The following CNTN5 variants were observed in gnomAD, a reference collection of about 807,000 sequenced individuals.
CNTN5 encodes contactin-5.
A neutral mutation model predicts 129.1 loss-of-function variants in CNTN5; 77 were observed. The observed-to-expected ratio is 0.60, with a 90% CI of 0.50 to 0.72. The LOEUF (loss-of-function observed/expected upper bound fraction) is 0.72, where lower values mean the gene tolerates loss of function less well. CNTN5 is among the 30% of genes least tolerant of loss of function. The pLI, the probability that CNTN5 is intolerant of heterozygous loss-of-function variation, is 0.00. For missense variants in CNTN5, 1,478 were observed against 1,328.8 expected (o/e 1.11, Z -1.75); for synonymous variants, 509 against 465.6 (o/e 1.09, Z -1.20).
chr11:99,317,536 C>G (rs144114878), intron 1 of CNTN5, among the ~76,000 whole-genome samples: 1 of 151,910 alleles, frequency 6.6e-6, no homozygotes, highest in South Asian at 2.1e-4. Flanking sequence ...ATTTTGGGAA[C>G]CTTTCCAGTC....
intron 2 of CNTN5, among the ~76,000 whole-genome samples, chr11:99,477,738 C>G (rs1284180745): frequency 1.3e-5 from 2 of 150,402 alleles, no homozygotes; most frequent in Non-Finnish European, 3.0e-5. Flanking sequence ...TTGCCTGAGG[C>G]CAGGAATTCA....
chr11:99,052,564 A>C (rs1468336713), intron 1 of CNTN5, among the ~76,000 whole-genome samples: 1 of 151,936 alleles, frequency 6.6e-6, no homozygotes. Flanking sequence ...GAAATTGCTT[A>C]ATGCATTTCT....
At chr11:99,140,108 T>C (rs933612076) in intron 1 of CNTN5, among the ~76,000 whole-genome samples, 1 of 152,216 alleles carries the variant, frequency 6.6e-6, no homozygotes, top group Non-Finnish European at 1.5e-5. Context: ...ATTACATTAG[T>C]GATTTGCACA....
At chr11:99,479,708 C>G (rs1394391486) in intron 2 of CNTN5, among the ~76,000 whole-genome samples, 1 of 151,778 alleles carries the variant, frequency 6.6e-6, no homozygotes, top group East Asian at 1.9e-4. Flanking sequence ...CTCCGGTTCT[C>G]TAAATATGTG....
chr11:99,409,969 C>T (rs559446144), intron 2 of CNTN5, among the ~76,000 whole-genome samples: 12 of 152,284 alleles, frequency 7.9e-5, no homozygotes, highest in Admixed American at 2.0e-4. Flanking sequence ...CACTTACCAT[C>T]GCAAGTTGCT....
intron 1 of CNTN5, among the ~76,000 whole-genome samples, chr11:99,090,854 C>G (rs1794876069): frequency 6.6e-6 from 1 of 151,592 alleles, no homozygotes; most frequent in South Asian, 2.1e-4. Flanking sequence ...AACCCCGTCT[C>G]TACTAAAAAT....
intron 1 of CNTN5, among the ~76,000 whole-genome samples, chr11:99,138,395 T>C (rs957842314): frequency 2.0e-5 from 3 of 152,196 alleles, no homozygotes; most frequent in African/African-American, 4.8e-5. Context: ...TTGGCAGTTA[T>C]GTTAAGTGGG....
intron 9 of CNTN5, among the ~76,000 whole-genome samples, chr11:100,002,624 C>A (rs922009719): frequency 1.1e-4 from 17 of 152,030 alleles, no homozygotes; most frequent in Admixed American, 1.0e-3. Flanking sequence ...CACCAGCTGT[C>A]AATATGTACA....
At chr11:100,241,791 C>T (rs1297039529) in intron 16 of CNTN5, among the ~76,000 whole-genome samples, 1 of 152,192 alleles carries the variant, frequency 6.6e-6, no homozygotes, top group Non-Finnish European at 1.5e-5. Context: ...GACCAGCATG[C>T]AAAGGATCCT....
At chr11:99,552,827 C>CCT (rs145504218) in intron 2 of CNTN5, among the ~76,000 whole-genome samples, 1 of 150,968 alleles carries the variant, frequency 6.6e-6, no homozygotes, top group Non-Finnish European at 1.5e-5. Flanking sequence ...TGGTTCTCTC[C>CCT]CTCTCTCTCT....
chr11:99,886,060 A>T (rs184986623), intron 6 of CNTN5, among the ~76,000 whole-genome samples: 41 of 152,256 alleles, frequency 2.7e-4, no homozygotes, highest in Admixed American at 6.5e-4. Context: ...AATTAAGTTT[A>T]TATTCAAATA....
At chr11:99,881,366 C>T (rs752621766) in intron 6 of CNTN5, among the ~76,000 whole-genome samples, 3 of 152,078 alleles carry the variant, frequency 2.0e-5, no homozygotes, top group South Asian at 2.1e-4. Context: ...ATAGCCAGAA[C>T]GGAGAATGTT....
chr11:99,259,332 G>A (rs1565444563), intron 1 of CNTN5, among the ~76,000 whole-genome samples: 1 of 151,386 alleles, frequency 6.6e-6, no homozygotes, highest in Admixed American at 6.6e-5. Context: ...ATGTTAGTAT[G>A]TTTACACATA....
intron 2 of CNTN5, among the ~76,000 whole-genome samples, chr11:99,408,152 T>A (rs1942175474): frequency 6.6e-6 from 1 of 152,066 alleles, no homozygotes; most frequent in African/African-American, 2.4e-5. Flanking sequence ...CACCACCATC[T>A]TGCTGCAGCC....
intron 2 of CNTN5, among the ~76,000 whole-genome samples, chr11:99,505,043 T>C (rs969440746): frequency 1.3e-5 from 2 of 152,222 alleles, no homozygotes; most frequent in African/African-American, 4.8e-5. Flanking sequence ...TTCTGACTTC[T>C]GGTTGACTTT....
intron 3 of CNTN5, among the ~76,000 whole-genome samples, chr11:99,705,012 G>A (rs1954693482): frequency 6.6e-6 from 1 of 151,158 alleles, no homozygotes; most frequent in South Asian, 2.1e-4. Flanking sequence ...TCTGCTTTTG[G>A]CATTACCTGT....
At chr11:99,568,467 G>A (rs753114984) in intron 3 of CNTN5, among the ~76,000 whole-genome samples, 28 of 152,098 alleles carry the variant, frequency 1.8e-4, no homozygotes, top group Non-Finnish European at 3.8e-4. Context: ...TGCTTAGCAC[G>A]AGCATCTGGG....
At chr11:100,053,269 C>T (rs1469862175) in intron 9 of CNTN5, among the ~76,000 whole-genome samples, 1 of 151,478 alleles carries the variant, frequency 6.6e-6, no homozygotes, top group Non-Finnish European at 1.5e-5. Context: ...AAATTAAAAC[C>T]TGCTTTTGTC....
chr11:99,241,322 T>C (rs112493093), intron 1 of CNTN5, among the ~76,000 whole-genome samples: 1 of 147,052 alleles, frequency 6.8e-6, no homozygotes, highest in Non-Finnish European at 1.5e-5. Flanking sequence ...TTGTTGGTTT[T>C]TTTTTTTTTT....
Sources: gnomAD v4.1 joint callset for allele counts (sites outside exome capture counted in the v4.1 genomes callset) on GRCh38, gnomAD v4.1.1 for gene constraint, MANE v1.5 for transcripts, NCBI Gene and HGNC (gene_info 2026-07-23, HGNC 2026-07-21) for gene names.